The following CHN2 variants were observed in gnomAD, a reference collection of about 807,000 sequenced individuals.
CHN2 encodes beta-chimaerin.
Under a neutral mutation model 56.3 loss-of-function variants are expected in CHN2, and 35 were observed. That is an observed-to-expected ratio of 0.62 (90% CI 0.47 to 0.82). The LOEUF is 0.82. CHN2 is among the 40% of genes least tolerant of loss of function. CHN2 has a pLI of 0.00. For missense variants in CHN2, 491 were observed against 580.5 expected (o/e 0.85, Z 1.58); for synonymous variants, 210 against 212.8 (o/e 0.99, Z 0.12).
At chr7:29,410,129 T>A (rs1803062410) in intron 6 of CHN2, among the ~76,000 whole-genome samples, 1 of 152,226 alleles carries the variant, frequency 6.6e-6, no homozygotes, top group South Asian at 2.1e-4. Flanking sequence ...TGAATGTTTT[T>A]AATTTCATCG....
chr7:29,421,659 A>T (rs993448527), intron 6 of CHN2, among the ~76,000 whole-genome samples: 1 of 152,224 alleles, frequency 6.6e-6, no homozygotes, highest in Non-Finnish European at 1.5e-5. Flanking sequence ...AAAATTAAGA[A>T]TAGCTGTTTG....
At chr7:29,455,293 G>A (rs752648631) in intron 6 of CHN2, among the ~76,000 whole-genome samples, 7 of 152,116 alleles carry the variant, frequency 4.6e-5, no homozygotes, top group Non-Finnish European at 8.8e-5. Context: ...CTGGTGATGC[G>A]GGATTAGTAA....
intron 6 of CHN2, among the ~76,000 whole-genome samples, chr7:29,446,802 A>T (rs4719975): frequency 0.054 from 8,289 of 152,218 alleles, 386 homozygotes; most frequent in East Asian, 0.26. Flanking sequence ...AACAGTGTTG[A>T]CATTCATACT....
At chr7:29,344,409 C>T (rs117053295) in intron 1 of CHN2, among the ~76,000 whole-genome samples, 17 of 152,128 alleles carry the variant, frequency 1.1e-4, no homozygotes, top group Non-Finnish European at 2.4e-4. Flanking sequence ...AATTATCTGG[C>T]CCCTACTTAC....
chr7:29,238,481 T>C (rs948606482), intron 1 of CHN2, among the ~76,000 whole-genome samples: 2 of 152,218 alleles, frequency 1.3e-5, no homozygotes, highest in African/African-American at 4.8e-5. Context: ...TATTCATTTA[T>C]TTAACATATA....
At position 29,287,505 on chromosome 7, in the gene CHN2, A is replaced by G. The variant is rs183906109; in HGVS notation, c.50-67120A>G. On this transcript the variant is annotated intron_variant, in intron 1 of 12. Transcript: ENST00000222792. ...GTGGGAATTGTTATGATACCTACTCATGGAGTCTTAGTGAGGGTCAGGTGA... is the reference window on the plus strand; with the variant it reads ...GTGGGAATTGTTATGATACCTACTCGTGGAGTCTTAGTGAGGGTCAGGTGA... Among the ~76,000 whole-genome samples, 338 of 152,290 alleles carry G rather than the reference A, an allele frequency of 2.2e-3. 2 individuals are homozygous for G. Among genetic ancestry groups the G allele is most frequent in the Non-Finnish European group, 3.8e-3 (256 of 68,032 alleles).
At chr7:29,156,016 AT>A (rs1794322332) in intron 2 of CHN2, among the ~76,000 whole-genome samples, 1 of 152,200 alleles carries the variant, frequency 6.6e-6, no homozygotes, top group Non-Finnish European at 1.5e-5. Context: ...TACATTTAAT[AT>A]TGGTTTTCTT....
rs116436196 is a variant in CHN2, at chr7:29,226,416, T to A, written c.49+31426T>A. Among the ~76,000 whole-genome samples, 1,293 of 152,300 alleles carry A rather than the reference T, an allele frequency of 8.5e-3. 17 individuals carry two copies. Among genetic ancestry groups the A allele is most frequent in the African/African-American group, 0.029 (1,204 of 41,554 alleles). ...GAAAAACAGCACATCTAATTTTTTTTAAATAGAAAAATAAACAATATTTCC... is the reference window on the plus strand; with the variant it reads ...GAAAAACAGCACATCTAATTTTTTTAAAATAGAAAAATAAACAATATTTCC... On this transcript the variant is annotated intron_variant, in intron 1 of 12. Transcript: ENST00000222792.
chr7:29,367,902 T>TTCTC (rs142914048), intron 2 of CHN2, 30 bp from the exon 3 acceptor site: 15 of 1,471,234 alleles, frequency 1.0e-5, no homozygotes, highest in Middle Eastern at 1.8e-4. Context: ...TTCTAATTAT[T>TTCTC]TCTCTCTCTC....
At chr7:29,238,015 CTTT>C (rs11405147) in intron 1 of CHN2, among the ~76,000 whole-genome samples, 37 of 105,970 alleles carry the variant, frequency 3.5e-4, no homozygotes, top group African/African-American at 1.2e-3. Context: ...TATGTATTCT[CTTT>C]TTTTTTTTTT....
chr7:29,183,369 C>T (rs552873846), intron 2 of CHN2, among the ~76,000 whole-genome samples: 1 of 151,250 alleles, frequency 6.6e-6, no homozygotes, highest in East Asian at 1.9e-4. Context: ...TAGGTGTGAG[C>T]CACCGTGCCT....
At chr7:29,444,248 C>T (rs946220963) in intron 6 of CHN2, among the ~76,000 whole-genome samples, 24 of 152,142 alleles carry the variant, frequency 1.6e-4, no homozygotes, top group African/African-American at 4.8e-4. Context: ...TAACTAACAC[C>T]GGAAAATCCT....
At chr7:29,363,896 G>A (rs1798933177) in intron 2 of CHN2, among the ~76,000 whole-genome samples, 1 of 152,110 alleles carries the variant, frequency 6.6e-6, no homozygotes, top group African/African-American at 2.4e-5. Context: ...AGGGAAGCAG[G>A]GTTGATGGCA....
intron 6 of CHN2, among the ~76,000 whole-genome samples, chr7:29,415,798 A>T (rs886836085): frequency 6.6e-6 from 1 of 152,218 alleles, no homozygotes; most frequent in Non-Finnish European, 1.5e-5. Flanking sequence ...GGGCTCTGGG[A>T]CATCAATGCA....
At chr7:29,274,550 C>T (rs544687656) in intron 1 of CHN2, among the ~76,000 whole-genome samples, 5 of 152,262 alleles carry the variant, frequency 3.3e-5, no homozygotes, top group South Asian at 4.1e-4. Flanking sequence ...AGTGGCTGAG[C>T]GGTGGCATTA....
At chr7:29,316,587 T>A (rs1460843985) in intron 1 of CHN2, among the ~76,000 whole-genome samples, 1 of 152,212 alleles carries the variant, frequency 6.6e-6, no homozygotes, top group Non-Finnish European at 1.5e-5. Flanking sequence ...TGAAATTACT[T>A]GTTGTAAACT....
intron 2 of CHN2, among the ~76,000 whole-genome samples, chr7:29,168,599 T>A (rs1796205025): frequency 6.6e-6 from 1 of 152,142 alleles, no homozygotes; most frequent in African/African-American, 2.4e-5. Context: ...AATTTGGAGG[T>A]CCAGTGTTAT....
At chr7:29,310,556 G>A (rs564361052) in intron 1 of CHN2, among the ~76,000 whole-genome samples, 1 of 152,286 alleles carries the variant, frequency 6.6e-6, no homozygotes, top group African/African-American at 2.4e-5. Flanking sequence ...GTTTTGAAAG[G>A]TGATATAAAA....
At chr7:29,262,952 T>C (rs574901217) in intron 1 of CHN2, among the ~76,000 whole-genome samples, 1 of 152,308 alleles carries the variant, frequency 6.6e-6, no homozygotes, top group South Asian at 2.1e-4. Flanking sequence ...ATCGTGAAGA[T>C]GGTAAAATTT....
Sources: gnomAD v4.1 joint callset for allele counts (sites outside exome capture counted in the v4.1 genomes callset) on GRCh38, gnomAD v4.1.1 for gene constraint, MANE v1.5 for transcripts, NCBI Gene and HGNC (gene_info 2026-07-23, HGNC 2026-07-21) for gene names.